Variants in CCL17 observed in about 807,000 individuals in gnomAD.
The protein encoded by CCL17 is C-C motif chemokine 17.
In CCL17, 8 loss-of-function variants were observed where a neutral mutation model predicts 7.4. That is an observed-to-expected ratio of 1.09 (90% CI 0.64 to 1.96). CCL17 has a LOEUF of 1.96. Among genes scored for constraint, CCL17 ranks in the 30% most tolerant of loss-of-function variants. The pLI is 0.00. For missense variants in CCL17, 102 were observed against 113.0 expected (o/e 0.90, Z 0.44); for synonymous variants, 40 against 46.1 (o/e 0.87, Z 0.54).
At position 57,415,245 on chromosome 16, in the gene CCL17, G is replaced by T; in HGVS notation, c.188+47G>T. 7.8e-7 allele frequency: 1 copy of T among 1,277,706 alleles called. No individual in the cohort carries two copies. 79.1% of individuals were successfully genotyped at this position (1,277,706 alleles called of 1,614,324 possible). Reference sequence around the variant, plus strand: ...CCTGCTCCTCAGGGCCAAGCATGGGGACAAGTGCACCCTGGAGCTCCCAGG... The same window carrying T: ...CCTGCTCCTCAGGGCCAAGCATGGGTACAAGTGCACCCTGGAGCTCCCAGG... On this transcript the variant is annotated intron_variant, in intron 3 of 3. Coordinates refer to ENST00000219244, the MANE Select transcript of CCL17 (RefSeq NM_002987.3). This position sits in a 1 kb window ranked among gnomAD's most constrained non-coding sequence, Gnocchi z 4.5.
chr16:57,404,790 C>G lies in CCL17; in HGVS notation c.-106C>G, dbSNP rs1902670122. On this transcript the variant is annotated 5_prime_UTR_variant, in exon 1 of 4. Coordinates refer to ENST00000219244, the MANE Select transcript of CCL17 (RefSeq NM_002987.3). ...AGGCTCAGAGAGAAGTGACTTTGAG[C>G]TCACAGTGTCACCGCCTGCTGATGG... 6.5e-6 allele frequency: 1 copy of G among 154,374 alleles called. No individual in the cohort carries two copies. Among genetic ancestry groups the G allele is most frequent in the Admixed American group, 6.5e-5 (1 of 15,282 alleles). The allele number at this position is 154,374 out of a possible 1,614,324, so 9.6% of individuals were successfully genotyped here.
chr16:57,403,683 G>T (rs1598009351), upstream of CCL17, among the ~76,000 whole-genome samples: 1 of 110,314 alleles, frequency 9.1e-6, no homozygotes, highest in Non-Finnish European at 1.7e-5. Flanking sequence ...TTGAGATAGA[G>T]TCTTGCTCTG....
the CCL17 span, among the ~76,000 whole-genome samples, chr16:57,397,526 C>G: frequency 2.0e-5 from 3 of 152,204 alleles, no homozygotes; most frequent in Admixed American, 1.3e-4. Flanking sequence ...TTGACCTCAG[C>G]GTCTGCCTGA....
intron 1 of CCL17, among the ~76,000 whole-genome samples, chr16:57,413,117 C>A (rs1902811261): frequency 6.6e-6 from 1 of 152,342 alleles, no homozygotes; most frequent in Middle Eastern, 3.4e-3. Context: ...GCATCTCCCA[C>A]TGACCCCTTC....
the CCL17 span, among the ~76,000 whole-genome samples, chr16:57,398,264 T>A: frequency 6.6e-6 from 1 of 152,190 alleles, no homozygotes; most frequent in African/African-American, 2.4e-5. Context: ...CCATAAACAG[T>A]GAGGCCAGCC....
intron 1 of CCL17, 36 bp from the exon 2 acceptor site, chr16:57,413,838 G>T (rs1047709541): frequency 1.8e-6 from 2 of 1,092,216 alleles, no homozygotes; most frequent in South Asian, 1.6e-5. Context: ...CCCCAAAGAG[G>T]TTAAATAGGT....
chr16:57,411,672 G>A (rs1425159029), intron 1 of CCL17, among the ~76,000 whole-genome samples: 2 of 152,256 alleles, frequency 1.3e-5, no homozygotes, highest in Admixed American at 6.5e-5. Flanking sequence ...AGGGCAGAGT[G>A]CATGGAGGGC....
Position 57,415,255 on chromosome 16 carries a change from C to A in CCL17, c.188+57C>A. The A allele has an allele frequency of 8.7e-7, 1 of 1,145,294 alleles. No individual in the cohort carries two copies. Among genetic ancestry groups the A allele is most frequent in the Non-Finnish European group, 1.3e-6 (1 of 753,610 alleles). The allele number at this position is 1,145,294 out of a possible 1,614,324, so 70.9% of individuals were successfully genotyped here. A position where few individuals can be genotyped will look rare whatever the true frequency, so the allele number is the denominator to read the frequency against. On this transcript the variant is annotated intron_variant, in intron 3 of 3. Transcript: ENST00000219244. The surrounding 1 kb of genome is among the most constrained non-coding windows in gnomAD (Gnocchi z 4.5). ...AGGGCCAAGCATGGGGACAAGTGCACCCTGGAGCTCCCAGGACGGCCAATG... is the reference window on the plus strand; with the variant it reads ...AGGGCCAAGCATGGGGACAAGTGCAACCTGGAGCTCCCAGGACGGCCAATG...
the CCL17 span, among the ~76,000 whole-genome samples, chr16:57,397,369 C>T: frequency 6.6e-6 from 1 of 152,210 alleles, no homozygotes; most frequent in African/African-American, 2.4e-5. Context: ...CGTTAACCAT[C>T]CCGAGGGGAG....
At chr16:57,413,104 G>A (rs1482948376) in intron 1 of CCL17, among the ~76,000 whole-genome samples, 1 of 152,216 alleles carries the variant, frequency 6.6e-6, no homozygotes, top group African/African-American at 2.4e-5. Flanking sequence ...GAAGTGAGAA[G>A]CAGCATCTCC....
chr16:57,400,287 A>G (rs1017025027), upstream of CCL17, among the ~76,000 whole-genome samples: 2 of 152,058 alleles, frequency 1.3e-5, no homozygotes, highest in African/African-American at 4.8e-5. Flanking sequence ...TGAACCCGAG[A>G]GGCGGAGCTT....
Position 57,408,991 on chromosome 16 carries a change from T to C in CCL17, c.-60+4155T>C, listed in dbSNP as rs549072467. Reference sequence around the variant, plus strand: ...TCCGAAAGTATTGGAATTACAGGTGTGAGCCACCAAACTGGCCTAATAAAC... The same window carrying C: ...TCCGAAAGTATTGGAATTACAGGTGCGAGCCACCAAACTGGCCTAATAAAC... On this transcript the variant is annotated intron_variant, in intron 1 of 3. Transcript: ENST00000219244. Among the ~76,000 whole-genome samples, 7 of 152,306 alleles carry C rather than the reference T, an allele frequency of 4.6e-5. No homozygotes were observed. In the South Asian group the frequency reaches 1.4e-3, roughly 32 times the overall value.
upstream of CCL17, chr16:57,404,748 T>A (rs1400114479): frequency 1.9e-5 from 3 of 154,376 alleles, no homozygotes; most frequent in Non-Finnish European, 4.4e-5. Flanking sequence ...ATTTTCATTT[T>A]GCAGCTGTAG....
intron 2 of CCL17, among the ~76,000 whole-genome samples, chr16:57,414,814 C>T (rs1358615639): frequency 4.6e-5 from 7 of 152,018 alleles, no homozygotes; most frequent in African/African-American, 1.5e-4. Flanking sequence ...ACTCACAGGA[C>T]ACACAGAATC....
upstream of CCL17, among the ~76,000 whole-genome samples, chr16:57,403,444 A>G (rs1372020968): frequency 8.6e-4 from 12 of 14,034 alleles, 2 homozygotes; most frequent in Non-Finnish European, 1.1e-3. Flanking sequence ...TATAATATAT[A>G]TATTATATTA....
chr16:57,401,584 A>C (rs1476915024), upstream of CCL17, among the ~76,000 whole-genome samples: 1 of 152,026 alleles, frequency 6.6e-6, no homozygotes, highest in Admixed American at 6.6e-5. Context: ...TTGCTTAAGG[A>C]CATACACACA....
upstream of CCL17, among the ~76,000 whole-genome samples, chr16:57,402,776 C>G (rs1902610966): frequency 6.6e-6 from 1 of 152,118 alleles, no homozygotes; most frequent in Non-Finnish European, 1.5e-5. Flanking sequence ...AGAAGGGTTT[C>G]TGCATTCTGC....
At chr16:57,411,978 G>A (rs1279815581) in intron 1 of CCL17, among the ~76,000 whole-genome samples, 1 of 152,248 alleles carries the variant, frequency 6.6e-6, no homozygotes, top group Non-Finnish European at 1.5e-5. Context: ...CTGGGCACAG[G>A]AGGGGTGGCT....
At chr16:57,411,850 G>A (rs28583097) in intron 1 of CCL17, among the ~76,000 whole-genome samples, 44 of 152,350 alleles carry the variant, frequency 2.9e-4, no homozygotes, top group African/African-American at 8.9e-4. Context: ...GGGACTCTGC[G>A]GGGAGCTACT....
Sources: gnomAD v4.1 joint callset for allele counts (sites outside exome capture counted in the v4.1 genomes callset) on GRCh38, gnomAD v4.1.1 for gene constraint, Gnocchi (gnomAD v3.1) non-coding constraint, MANE v1.5 for transcripts, NCBI Gene and HGNC (gene_info 2026-07-23, HGNC 2026-07-21) for gene names.